PLPBP: variants seen among roughly 807,000 people sequenced by gnomAD.
The protein encoded by PLPBP is pyridoxal phosphate homeostasis protein.
Under a neutral mutation model 31.2 loss-of-function variants are expected in PLPBP, and 21 were observed. The ratio of observed to expected loss-of-function variants is 0.67; its 90% CI spans 0.48 to 0.97. The LOEUF is 0.97. Ranked by LOEUF, PLPBP falls within the 50% of genes least tolerant of loss-of-function variation. The pLI, the probability that PLPBP is intolerant of heterozygous loss-of-function variation, is 0.00. For missense variants in PLPBP, 308 were observed against 354.4 expected, an observed-to-expected ratio of 0.87 and a Z score of 1.05; for synonymous variants, 124 against 135.6, an observed-to-expected ratio of 0.91 and a Z score of 0.59.
chr8:37,766,645 TTA>T lies in PLPBP; in HGVS notation c.319+291_319+292del, dbSNP rs528907282. 77 of 1,022,030 alleles carry T rather than the reference TTA, an allele frequency of 7.5e-5. No homozygotes were observed. In the African/African-American group the frequency reaches 1.2e-3, roughly 15 times the overall value. 63.3% of individuals were successfully genotyped at this position (1,022,030 alleles called of 1,614,324 possible). ...AAAGAATTGTAGCCCATAAATTTTT[TTA>T]ACTAGCAAAAGAGACATTTCTGTTC... On this transcript the variant is annotated intron_variant, in intron 4 of 7. Coordinates refer to ENST00000328195, the MANE Select transcript of PLPBP (RefSeq NM_007198.4).
upstream of PLPBP, chr8:37,762,609 T>G (rs766075519): frequency 1.0e-4 from 161 of 1,535,874 alleles, no homozygotes; most frequent in Non-Finnish European, 1.4e-4. Flanking sequence ...CGGAAGATGG[T>G]GTGAGCCACG....
rs1053232532 is a variant in PLPBP, at chr8:37,762,708, T to C, written c.49T>C (p.Leu17=). 46 of 1,590,668 alleles carry C rather than the reference T, an allele frequency of 2.9e-5. No individual in the cohort carries two copies. Among genetic ancestry groups the C allele is most frequent in the East Asian group, 4.5e-5 (2 of 44,228 alleles). The change falls in exon 1 of 8, where the codon TTG becomes CTG. Residue 17 remains leucine (L), a synonymous_variant. Transcript: ENST00000328195. The stretch of plus-strand genomic sequence containing the variant: ...GGCCGAGCTGGGAGTCGGGTGCGCA[T>C]TGCGGGCGGTGAACGAGCGCGTGCA... ...MSAELGVGCA[L]RAVNERVQQA...
chr8:37,768,465 C>CTTTTTTTTTTTTT (rs903134254), intron 4 of PLPBP, among the ~76,000 whole-genome samples: 34 of 76,822 alleles, frequency 4.4e-4, no homozygotes, highest in East Asian at 8.6e-4. Flanking sequence ...TTTTGATTTT[C>CTTTTTTTTTTTTT]TTTTTTTTTT....
chr8:37,766,691 G>A, intron 4 of PLPBP: 1 of 900,014 alleles, frequency 1.1e-6, no homozygotes, highest in Admixed American at 5.9e-5. Context: ...TTAAATAAAA[G>A]GCTACAGTAA....
rs1426728079 is a variant in PLPBP, at chr8:37,775,376, C to T, written c.492C>T (p.Ile164=). The T allele has an allele frequency of 1.1e-5, 18 of 1,614,042 alleles. No individual in the cohort carries two copies. The highest frequency in any genetic ancestry group is 2.2e-5 in the East Asian group (1 of 44,894). The change falls in exon 6 of 8, where the codon ATC becomes ATT. Residue 164 remains isoleucine, a synonymous_variant. Coordinates refer to ENST00000328195, the MANE Select transcript of PLPBP (RefSeq NM_007198.4). ...TTCCACCTTCAGAGACCATAGCCAT[C>T]GTGGAGCACATAAACGCCAAGTGTC... ...HGLPPSETIA[I]VEHINAKCPN...
chr8:37,765,173 T>C (rs533664493), intron 1 of PLPBP, among the ~76,000 whole-genome samples: 29 of 152,202 alleles, frequency 1.9e-4, no homozygotes, highest in African/African-American at 7.0e-4. Flanking sequence ...AGTGAAACTC[T>C]GTCTCAAAAA....
rs1803992290 is a variant in PLPBP at position 37,779,025 on chromosome 8, A to G, written c.*921A>G. The G allele has an allele frequency of 6.6e-6, 1 of 151,930 alleles. No individual in the cohort carries two copies. Among genetic ancestry groups the G allele is most frequent in the East Asian group, 1.9e-4 (1 of 5,192 alleles). The allele number at this position is 151,930 out of a possible 1,614,324, so 9.4% of individuals were successfully genotyped here. ...AGCAACCTTTTAATATGCAGATAAT[A>G]CCCCCCAACTTTTTTAGAGACAGCC... is the stretch of plus-strand genomic sequence containing the variant. On this transcript the variant is annotated 3_prime_UTR_variant, in exon 8 of 8. Coordinates refer to ENST00000328195, the MANE Select transcript of PLPBP (RefSeq NM_007198.4).
At position 37,778,894 on chromosome 8, in the gene PLPBP, A is replaced by C. The variant is rs1803985797; in HGVS notation, c.*790A>C. On this transcript the variant is annotated 3_prime_UTR_variant, in exon 8 of 8. Transcript: ENST00000328195. ...GAGTTTGAGGCTGCAGTGAGCTATG[A>C]TTGCACCACTGTACTCCTGCCTTAA... The C allele has an allele frequency of 6.6e-6, 1 of 151,108 alleles. No individual in the cohort carries two copies. Among genetic ancestry groups the C allele is most frequent in the African/African-American group, 2.4e-5 (1 of 41,006 alleles). The allele number at this position is 151,108 out of a possible 1,614,324, so 9.4% of individuals were successfully genotyped here.
chr8:37,778,595 A>C lies in PLPBP; in HGVS notation c.*491A>C, dbSNP rs1803978539. 1.3e-5 allele frequency: 2 copies of C among 152,914 alleles called. No homozygotes were observed. Among genetic ancestry groups the C allele is most frequent in the South Asian group, 4.1e-4 (2 of 4,864 alleles). The allele number at this position is 152,914 out of a possible 1,614,324, so 9.5% of individuals were successfully genotyped here. A position where few individuals can be genotyped will look rare whatever the true frequency, so the allele number is the denominator to read the frequency against. On this transcript the variant is annotated 3_prime_UTR_variant, in exon 8 of 8. Transcript: ENST00000328195. ...TCTTCCCTAGCCGGTAGATACGTGAAGATATTCCCAACTGTGGAATGGCAG... is the reference window on the plus strand; with the variant it reads ...TCTTCCCTAGCCGGTAGATACGTGACGATATTCCCAACTGTGGAATGGCAG...
In PLPBP at chr8:37,765,603, A is replaced by G; in HGVS notation, c.177A>G (p.Gly59=). Residue 59 remains glycine, a synonymous_variant, in exon 2 of 8, where the codon GGA becomes GGG. Transcript: ENST00000328195. ...CAGACATGGTGATCGAGGCCTATGG[A>G]CATGGGCAGCGCACTTTTGGCGAGA... The part of the protein sequence containing the change: ...KPADMVIEAY[G]HGQRTFGENY... 6.2e-7 allele frequency: 1 copy of G among 1,614,210 alleles called. No individual in the cohort carries two copies. Among genetic ancestry groups the G allele is most frequent in the Non-Finnish European group, 8.5e-7 (1 of 1,180,024 alleles).
intron 1 of PLPBP, among the ~76,000 whole-genome samples, chr8:37,764,003 A>G (rs1294356495): frequency 1.3e-5 from 2 of 150,724 alleles, no homozygotes; most frequent in Non-Finnish European, 2.9e-5. Flanking sequence ...AGGATGTCAC[A>G]TAGGTCTGAT....
chr8:37,764,618 A>G (rs1803574849), intron 1 of PLPBP, among the ~76,000 whole-genome samples: 1 of 152,118 alleles, frequency 6.6e-6, no homozygotes, highest in African/African-American at 2.4e-5. Flanking sequence ...TCACCTGGCC[A>G]TGCCACTGGT....
chr8:37,764,394 T>C (rs1803569146), intron 1 of PLPBP, among the ~76,000 whole-genome samples: 1 of 152,206 alleles, frequency 6.6e-6, no homozygotes, highest in Admixed American at 6.5e-5. Context: ...CAGCCTCAGC[T>C]CACTGCAACC....
At chr8:37,772,707 T>A in intron 4 of PLPBP, 48 bp from the exon 5 acceptor site, 1 of 1,604,706 alleles carries the variant, frequency 6.2e-7, no homozygotes, top group South Asian at 1.1e-5. Context: ...TGTTACTTGC[T>A]GCAATAGAGC....
At chr8:37,768,465 C>CTTTTTTT (rs903134254) in intron 4 of PLPBP, among the ~76,000 whole-genome samples, 28 of 76,830 alleles carry the variant, frequency 3.6e-4, no homozygotes, top group Non-Finnish European at 4.6e-4. Context: ...TTTTGATTTT[C>CTTTTTTT]TTTTTTTTTT....
chr8:37,773,968 G>A (rs1356709423), intron 5 of PLPBP, among the ~76,000 whole-genome samples: 1 of 152,034 alleles, frequency 6.6e-6, no homozygotes, highest in African/African-American at 2.4e-5. Flanking sequence ...CCCAGCACTT[G>A]GGAAGGCTGA....
chr8:37,773,161 C>T (rs1418217299), intron 5 of PLPBP, among the ~76,000 whole-genome samples: 1 of 151,006 alleles, frequency 6.6e-6, no homozygotes, highest in East Asian at 1.9e-4. Context: ...ATTGTGACTT[C>T]GTTTTGTATT....
In PLPBP at chr8:37,778,235, C is replaced by T; in HGVS notation, c.*131C>T. On this transcript the variant is annotated 3_prime_UTR_variant, in exon 8 of 8. Coordinates refer to ENST00000328195, the MANE Select transcript of PLPBP (RefSeq NM_007198.4). The stretch of plus-strand genomic sequence containing the variant: ...TAATGATCACGTGTGTTGATGGAAA[C>T]CATCTGTGCTTAGTCTCTGACATAG... 1 of 1,168,042 alleles carries T rather than the reference C, an allele frequency of 8.6e-7. No individual in the cohort carries two copies. The highest frequency in any genetic ancestry group is 2.7e-5 in the East Asian group (1 of 36,536). 72.4% of individuals were successfully genotyped at this position (1,168,042 alleles called of 1,614,324 possible). A position where few individuals can be genotyped will look rare whatever the true frequency, so the allele number is the denominator to read the frequency against.
At chr8:37,766,548 T>C in intron 4 of PLPBP, 193 bp downstream of exon 4, 2 of 1,227,098 alleles carry the variant, frequency 1.6e-6, no homozygotes, top group Non-Finnish European at 2.0e-6. Context: ...CACCATTTTC[T>C]GGGTTATATA....
Sources: gnomAD v4.1 joint callset for allele counts (sites outside exome capture counted in the v4.1 genomes callset) on GRCh38, gnomAD v4.1.1 for gene constraint, MANE v1.5 for transcripts, NCBI Gene and HGNC (gene_info 2026-07-23, HGNC 2026-07-21) for gene names.